Variants in C13orf42 observed in about 807,000 individuals in gnomAD.
The protein encoded by C13orf42 is chromosome 13 open reading frame 42, also known as uncharacterized protein C13orf42.
At chr13:51,130,266 T>C (rs1037133951) in intron 1 of C13orf42, among the ~76,000 whole-genome samples, 10 of 152,228 alleles carry the variant, frequency 6.6e-5, no homozygotes, top group African/African-American at 2.2e-4. Flanking sequence ...GGTCATAAAC[T>C]GCTTCTTTGA....
At chr13:51,134,588 C>T (rs1441178941) in intron 1 of C13orf42, among the ~76,000 whole-genome samples, 1 of 152,304 alleles carries the variant, frequency 6.6e-6, no homozygotes, top group Non-Finnish European at 1.5e-5. Flanking sequence ...TTTTATTAAA[C>T]AAACAAGCAA....
At chr13:51,107,341 G>A (rs1164595776) in intron 1 of C13orf42, among the ~76,000 whole-genome samples, 2 of 152,216 alleles carry the variant, frequency 1.3e-5, no homozygotes, top group East Asian at 3.8e-4. Flanking sequence ...AGCATAGAAT[G>A]CTTTGGAAAA....
intron 1 of C13orf42, among the ~76,000 whole-genome samples, chr13:51,128,405 A>G (rs1953591629): frequency 6.6e-6 from 1 of 152,206 alleles, no homozygotes; most frequent in South Asian, 2.1e-4. Flanking sequence ...CCCCAACCTC[A>G]AGGAAATAGA....
chr13:51,129,291 C>T (rs1027315214), intron 1 of C13orf42, among the ~76,000 whole-genome samples: 8 of 152,134 alleles, frequency 5.3e-5, no homozygotes, highest in African/African-American at 1.7e-4. Context: ...TCAGGGTCTG[C>T]AGGCAGACCC....
chr13:51,091,264 A>G (rs1008984327), intron 1 of C13orf42, among the ~76,000 whole-genome samples: 4 of 152,142 alleles, frequency 2.6e-5, no homozygotes, highest in African/African-American at 7.2e-5. Context: ...GTGGCTGGGG[A>G]GTGAGTCAGT....
At chr13:51,159,094 G>C (rs1044129915) in intron 1 of C13orf42, among the ~76,000 whole-genome samples, 4 of 152,110 alleles carry the variant, frequency 2.6e-5, no homozygotes, top group African/African-American at 9.7e-5. Flanking sequence ...TCCACACGCA[G>C]ACTTTTGCCA....
intron 1 of C13orf42, among the ~76,000 whole-genome samples, chr13:51,118,840 G>A (rs1475063568): frequency 6.6e-6 from 1 of 152,148 alleles, no homozygotes. Flanking sequence ...CATACAGTAT[G>A]CCCAGGGGTA....
At position 51,136,068 on chromosome 13, in the gene C13orf42, G is replaced by A. The variant is rs554073611; in HGVS notation, n.137-22846C>T. On this transcript the variant is annotated intron_variant and non_coding_transcript_variant, in intron 1 of 4. Transcript: ENST00000433280. The stretch of plus-strand genomic sequence containing the variant: ...TGAGAGTTAAGAGTCCCATCCATCC[G>A]CAAACTTCCCACTTCCCCTTGCCCA... Among the ~76,000 whole-genome samples the A allele has an allele frequency of 4.5e-4, 69 of 152,128 alleles. 1 individual carries two copies. Among genetic ancestry groups the A allele is most frequent in the Admixed American group, 3.9e-3 (59 of 15,274 alleles).
At chr13:51,144,814 G>C (rs548171539) in intron 1 of C13orf42, among the ~76,000 whole-genome samples, 10 of 152,298 alleles carry the variant, frequency 6.6e-5, no homozygotes, top group Middle Eastern at 6.8e-3. Context: ...CCTGGCTTTA[G>C]AAAAGTCTTA....
At chr13:51,170,309 G>A (rs12853790) in intron 1 of C13orf42, among the ~76,000 whole-genome samples, 51,859 of 152,044 alleles carry the variant, frequency 0.34, 10,394 homozygotes, top group Non-Finnish European at 0.44. Context: ...ACACGGACGC[G>A]CATGAAGTTT....
chr13:51,091,362 G>A (rs549645440), intron 1 of C13orf42, among the ~76,000 whole-genome samples: 1 of 152,156 alleles, frequency 6.6e-6, no homozygotes, highest in Non-Finnish European at 1.5e-5. Flanking sequence ...TCCTCCACTT[G>A]TCCAATTATC....
intron 1 of C13orf42, among the ~76,000 whole-genome samples, chr13:51,109,663 A>T (rs9596455): frequency 0.027 from 4,172 of 152,214 alleles, 183 homozygotes; most frequent in African/African-American, 0.094. Context: ...CTGAGGTGGC[A>T]GGATCACTTG....
chr13:51,144,102 T>G (rs1227934948), intron 1 of C13orf42, among the ~76,000 whole-genome samples: 1 of 152,154 alleles, frequency 6.6e-6, no homozygotes, highest in Non-Finnish European at 1.5e-5. Context: ...TTTGGTCCTC[T>G]TTAGAAGGTG....
intron 1 of C13orf42, among the ~76,000 whole-genome samples, chr13:51,109,240 A>T (rs570426021): frequency 2.6e-5 from 4 of 152,348 alleles, no homozygotes; most frequent in African/African-American, 9.6e-5. Flanking sequence ...ACATGCAGAC[A>T]GTTGAAACCA....
chr13:51,126,606 G>T (rs926150516), intron 1 of C13orf42, among the ~76,000 whole-genome samples: 2 of 152,184 alleles, frequency 1.3e-5, no homozygotes, highest in Non-Finnish European at 2.9e-5. Context: ...CAAATGGAAG[G>T]TGCTAGGCAA....
chr13:51,113,194 T>C (rs560170387), upstream of C13orf42: 20 of 152,312 alleles, frequency 1.3e-4, no homozygotes, highest in African/African-American at 4.6e-4. Flanking sequence ...CACTCCTACC[T>C]CGTGCTGGAT....
At chr13:51,153,630 C>CT (rs1206289963) in intron 1 of C13orf42, among the ~76,000 whole-genome samples, 6,929 of 81,400 alleles carry the variant, frequency 0.085, 1,368 homozygotes, top group Non-Finnish European at 0.12. Flanking sequence ...TGTTTTTTTT[C>CT]TTTTTTTTTT....
upstream of C13orf42, among the ~76,000 whole-genome samples, chr13:51,114,653 GA>G (rs1953470677): frequency 1.2e-5 from 1 of 85,010 alleles, no homozygotes; most frequent in East Asian, 3.9e-4. Context: ...GATAGAGATA[GA>G]CAGACAGACA....
intron 1 of C13orf42, among the ~76,000 whole-genome samples, chr13:51,161,347 C>T (rs1251177571): frequency 1.3e-5 from 2 of 151,902 alleles, no homozygotes; most frequent in Non-Finnish European, 2.9e-5. Flanking sequence ...TTATATGAAG[C>T]ATGTCTTTTT....
Sources: allele counts gnomAD v4.1 joint callset (sites outside exome capture counted in the v4.1 genomes callset), GRCh38; gene constraint gnomAD v4.1.1; transcripts MANE v1.5; gene names NCBI Gene and HGNC (gene_info 2026-07-23, HGNC 2026-07-21).